SGCZ: variants seen among roughly 807,000 people sequenced by gnomAD.
SGCZ encodes the protein sarcoglycan zeta, also known as zeta-sarcoglycan.
Under a neutral mutation model 41.3 loss-of-function variants are expected in SGCZ, and 40 were observed. The ratio of observed to expected loss-of-function variants is 0.97; its 90% CI spans 0.75 to 1.26. The LOEUF is 1.26. SGCZ is among the 50% of genes most tolerant of loss of function. SGCZ has a pLI of 0.00. For synonymous variants in SGCZ, 206 were observed against 137.5 expected (o/e 1.50, Z -3.49); for missense variants, 552 against 369.8 (o/e 1.49, Z -4.04).
intron 1 of SGCZ, among the ~76,000 whole-genome samples, chr8:14,896,944 A>G (rs1197765362): frequency 2.0e-5 from 3 of 150,978 alleles, no homozygotes; most frequent in East Asian, 4.0e-4. Context: ...ACCAGGCCCA[A>G]CTAATTTTTT....
chr8:14,908,565 C>T (rs1352786027), intron 1 of SGCZ, among the ~76,000 whole-genome samples: 2 of 152,006 alleles, frequency 1.3e-5, no homozygotes, highest in Admixed American at 6.6e-5. Flanking sequence ...GCCTGACCAA[C>T]ATGGTGAAAC....
At chr8:14,338,735 C>A (rs912825712) in intron 2 of SGCZ, among the ~76,000 whole-genome samples, 67 of 152,082 alleles carry the variant, frequency 4.4e-4, no homozygotes, top group African/African-American at 1.5e-3. Context: ...ATAGAGTGAA[C>A]AAACTGGCTT....
At chr8:15,172,162 T>TTTATTTATTTTTTTA (rs1554471134) in intron 1 of SGCZ, among the ~76,000 whole-genome samples, 1 of 119,036 alleles carries the variant, frequency 8.4e-6, no homozygotes, top group African/African-American at 3.2e-5. Flanking sequence ...CTGTTTTTTT[T>TTTATTTATTTTTTTA]TTTTTTTTTT....
chr8:14,389,192 T>C (rs1208885462), intron 2 of SGCZ, among the ~76,000 whole-genome samples: 1 of 151,880 alleles, frequency 6.6e-6, no homozygotes. Context: ...ACTGACAATG[T>C]AGTACAGAGA....
intron 1 of SGCZ, among the ~76,000 whole-genome samples, chr8:14,572,524 C>CT (rs1345320658): frequency 6.6e-6 from 1 of 152,046 alleles, no homozygotes; most frequent in Non-Finnish European, 1.5e-5. Flanking sequence ...ATTATTATCC[C>CT]TTTTTTATAA....
chr8:14,276,752 T>G (rs1185901760), intron 3 of SGCZ, among the ~76,000 whole-genome samples: 1 of 152,208 alleles, frequency 6.6e-6, no homozygotes, highest in Non-Finnish European at 1.5e-5. Flanking sequence ...CTCTGCCTTC[T>G]GTTTAACTGG....
At chr8:14,871,228 G>A (rs1057010751) in intron 1 of SGCZ, among the ~76,000 whole-genome samples, 2 of 151,854 alleles carry the variant, frequency 1.3e-5, no homozygotes. Context: ...AAAAAAGTCA[G>A]GAAACAACAG....
At chr8:15,177,661 T>C (rs1800040056) in intron 1 of SGCZ, among the ~76,000 whole-genome samples, 3 of 152,292 alleles carry the variant, frequency 2.0e-5, no homozygotes, top group East Asian at 1.9e-4. Flanking sequence ...AGATCTAAAA[T>C]GTATAATGGG....
chr8:14,196,620 T>C (rs1047644969), intron 4 of SGCZ, among the ~76,000 whole-genome samples: 9 of 152,278 alleles, frequency 5.9e-5, no homozygotes, highest in South Asian at 4.1e-4. Flanking sequence ...ATAACTGCAA[T>C]CTGAAAATGA....
intron 1 of SGCZ, among the ~76,000 whole-genome samples, chr8:14,941,418 C>T (rs1255172580): frequency 6.6e-6 from 1 of 151,896 alleles, no homozygotes; most frequent in Non-Finnish European, 1.5e-5. Flanking sequence ...TATTACGTGG[C>T]TATTTTAAAA....
intron 4 of SGCZ, among the ~76,000 whole-genome samples, chr8:14,222,544 C>G (rs1194413966): frequency 6.6e-6 from 1 of 152,082 alleles, no homozygotes; most frequent in Non-Finnish European, 1.5e-5. Flanking sequence ...TAAATCCTTC[C>G]TTCTGCAGCT....
chr8:14,482,782 C>G (rs1430469822), intron 2 of SGCZ, among the ~76,000 whole-genome samples: 1 of 151,862 alleles, frequency 6.6e-6, no homozygotes, highest in Non-Finnish European at 1.5e-5. Flanking sequence ...CTCTGCTTGA[C>G]TGCACGAGGG....
chr8:15,196,933 G>T (rs756529440), intron 1 of SGCZ, among the ~76,000 whole-genome samples: 24 of 152,280 alleles, frequency 1.6e-4, no homozygotes, highest in Non-Finnish European at 2.5e-4. Flanking sequence ...TTCTTCATGT[G>T]ACCTCTCATT....
At chr8:14,257,765 G>T (rs775293225) in intron 3 of SGCZ, among the ~76,000 whole-genome samples, 5 of 151,900 alleles carry the variant, frequency 3.3e-5, no homozygotes, top group Non-Finnish European at 5.9e-5. Flanking sequence ...AGTTTGCTGA[G>T]AATTTTGCAG....
intron 2 of SGCZ, among the ~76,000 whole-genome samples, chr8:14,369,566 T>C (rs531154448): frequency 2.0e-5 from 3 of 152,132 alleles, no homozygotes; most frequent in South Asian, 4.1e-4. Flanking sequence ...ATTTTATTCA[T>C]TGTAATTTAT....
intron 1 of SGCZ, among the ~76,000 whole-genome samples, chr8:14,977,519 A>G (rs1227582745): frequency 6.6e-6 from 1 of 152,176 alleles, no homozygotes; most frequent in Non-Finnish European, 1.5e-5. Flanking sequence ...ACATTTTAAC[A>G]AAGAGAGTTT....
chr8:14,552,923 T>C (rs1018123996), intron 2 of SGCZ, among the ~76,000 whole-genome samples: 1 of 152,120 alleles, frequency 6.6e-6, no homozygotes, highest in Non-Finnish European at 1.5e-5. Flanking sequence ...TGTCGCATCA[T>C]TCATGAGCTT....
chr8:14,545,043 G>A (rs1803582288), intron 2 of SGCZ, among the ~76,000 whole-genome samples: 1 of 152,064 alleles, frequency 6.6e-6, no homozygotes, highest in Non-Finnish European at 1.5e-5. Context: ...CTACAGATAT[G>A]TGATGTCACC....
At chr8:15,164,920 GC>G (rs1799614371) in intron 1 of SGCZ, among the ~76,000 whole-genome samples, 1 of 151,974 alleles carries the variant, frequency 6.6e-6, no homozygotes, top group Non-Finnish European at 1.5e-5. Flanking sequence ...TGTTTTCCCA[GC>G]CCTGTCTCTT....
Sources: gnomAD v4.1 joint callset for allele counts (sites outside exome capture counted in the v4.1 genomes callset) on GRCh38, gnomAD v4.1.1 for gene constraint, MANE v1.5 for transcripts, NCBI Gene and HGNC (gene_info 2026-07-23, HGNC 2026-07-21) for gene names.